The following KIAA1217 variants were observed in gnomAD, a reference collection of about 807,000 sequenced individuals.
The protein encoded by KIAA1217 is KIAA1217.
Under a neutral mutation model 163.9 loss-of-function variants are expected in KIAA1217, and 88 were observed. The observed-to-expected ratio is 0.54, with a 90% CI of 0.45 to 0.64. The LOEUF is 0.64. Ranked by LOEUF, KIAA1217 falls within the 30% of genes least tolerant of loss-of-function variation. KIAA1217 has a pLI of 0.00. For synonymous variants in KIAA1217, 903 were observed against 923.1 expected, an observed-to-expected ratio of 0.98 and a Z score of 0.39; for missense variants, 2,372 against 2,475.0, an observed-to-expected ratio of 0.96 and a Z score of 0.88.
At chr10:24,493,205 T>C (rs1461125184) in intron 6 of KIAA1217, among the ~76,000 whole-genome samples, 1 of 152,202 alleles carries the variant, frequency 6.6e-6, no homozygotes, top group Non-Finnish European at 1.5e-5. Context: ...TATTTAATAG[T>C]GTAAGAATAT....
intron 5 of KIAA1217, among the ~76,000 whole-genome samples, chr10:24,469,624 T>C (rs920936801): frequency 1.3e-5 from 2 of 152,046 alleles, no homozygotes; most frequent in Non-Finnish European, 2.9e-5. Flanking sequence ...GATTGATTGA[T>C]TGATTGAGAC....
At chr10:24,228,622 A>T (rs1207922966) in intron 2 of KIAA1217, among the ~76,000 whole-genome samples, 1 of 152,124 alleles carries the variant, frequency 6.6e-6, no homozygotes, top group South Asian at 2.1e-4. Context: ...GATGGGTTGT[A>T]TACACGCTCT....
In KIAA1217 at chr10:24,039,509, C is replaced by T. The variant is rs79411573; in HGVS notation, c.-171+32135C>T. ...CAATTGAGAGGGTAAATGACAGATA[C>T]TCTATAGTGTTTTGTGTGGCCAGAC... is the stretch of plus-strand genomic sequence containing the variant. On this transcript the variant is annotated intron_variant, in intron 2 of 18. Coordinates refer to the KIAA1217 transcript ENST00000376462. Among the ~76,000 whole-genome samples, 1,341 of 152,116 alleles carry T rather than the reference C, an allele frequency of 8.8e-3. 19 individuals carry two copies. The highest frequency in any genetic ancestry group is 0.031 in the African/African-American group (1,286 of 41,498).
rs1023292321 is a variant in KIAA1217, at chr10:24,471,788, T to C, written c.847-1440T>C. 6.1e-5 allele frequency among the ~76,000 whole-genome samples: 9 copies of C among 146,368 alleles called. 1 individual carries two copies. Among genetic ancestry groups the C allele is most frequent in the Admixed American group, 2.2e-4 (3 of 13,814 alleles). ...ATCCCAGCTATTTGGGAGGCTGAGG[T>C]AGGAGAATCACTTGAACCCAGGAGG... On this transcript the variant is annotated intron_variant, in intron 5 of 20. Coordinates refer to ENST00000376454, the MANE Select transcript of KIAA1217 (RefSeq NM_019590.5).
intron 9 of KIAA1217, among the ~76,000 whole-genome samples, chr10:24,511,856 A>G (rs1023278326): frequency 8.5e-5 from 13 of 152,208 alleles, no homozygotes; most frequent in Admixed American, 7.8e-4. Flanking sequence ...CCTCCCTGTT[A>G]GCAATGGCTG....
intron 2 of KIAA1217, among the ~76,000 whole-genome samples, chr10:24,272,273 C>G (rs1457157427): frequency 2.0e-5 from 3 of 152,178 alleles, no homozygotes; most frequent in Non-Finnish European, 2.9e-5. Flanking sequence ...AATAAGAACT[C>G]TGGACTAGTA....
intron 1 of KIAA1217, among the ~76,000 whole-genome samples, chr10:23,952,080 G>A (rs996792990): frequency 6.6e-6 from 1 of 152,112 alleles, no homozygotes; most frequent in Non-Finnish European, 1.5e-5. Flanking sequence ...CTTACATATG[G>A]GGATTATCAT....
At chr10:24,115,297 G>A (rs2063008196) in intron 2 of KIAA1217, among the ~76,000 whole-genome samples, 1 of 152,184 alleles carries the variant, frequency 6.6e-6, no homozygotes, top group South Asian at 2.1e-4. Context: ...TACATTCATG[G>A]AAAGTCAGGT....
At chr10:24,496,933 G>A (rs1161494402) in intron 8 of KIAA1217, among the ~76,000 whole-genome samples, 1 of 152,220 alleles carries the variant, frequency 6.6e-6, no homozygotes, top group African/African-American at 2.4e-5. Flanking sequence ...CTGGTGACAT[G>A]CTGTTAGTTT....
intron 2 of KIAA1217, among the ~76,000 whole-genome samples, chr10:24,056,975 A>T (rs1052418776): frequency 2.0e-5 from 3 of 152,160 alleles, no homozygotes; most frequent in African/African-American, 7.2e-5. Context: ...AAACTGACAA[A>T]ATAGAAGGTA....
At chr10:23,854,021 T>G (rs1839509060) in intron 1 of KIAA1217, among the ~76,000 whole-genome samples, 1 of 152,196 alleles carries the variant, frequency 6.6e-6, no homozygotes, top group Non-Finnish European at 1.5e-5. Flanking sequence ...CCTTCAGTTC[T>G]GCTCTGATTT....
In KIAA1217 at chr10:24,278,915, G is replaced by T. The variant is rs191213212; in HGVS notation, c.354+59006G>T. Among the ~76,000 whole-genome samples the T allele has an allele frequency of 1.9e-3, 291 of 149,706 alleles. 2 individuals are homozygous for T. Among genetic ancestry groups the T allele is most frequent in the African/African-American group, 6.9e-3 (279 of 40,620 alleles). On this transcript the variant is annotated intron_variant, in intron 2 of 20. Coordinates refer to ENST00000376454, the MANE Select transcript of KIAA1217 (RefSeq NM_019590.5). ...TCTGTTGCTCAGGCTGGAGTGCAGCGGCCCAATCTCAGCTCACTGCAACCT... is the reference window on the plus strand; with the variant it reads ...TCTGTTGCTCAGGCTGGAGTGCAGCTGCCCAATCTCAGCTCACTGCAACCT...
intron 1 of KIAA1217, among the ~76,000 whole-genome samples, chr10:23,944,953 G>A (rs915111730): frequency 5.9e-5 from 9 of 151,894 alleles, no homozygotes; most frequent in Middle Eastern, 3.2e-3. Flanking sequence ...CAGCTGCTCT[G>A]GAGGCTGAGA....
intron 2 of KIAA1217, among the ~76,000 whole-genome samples, chr10:24,144,785 T>G (rs1030668488): frequency 6.6e-6 from 1 of 152,198 alleles, no homozygotes; most frequent in African/African-American, 2.4e-5. Context: ...CTACCCTGGC[T>G]TCTTCCTTAA....
intron 3 of KIAA1217, among the ~76,000 whole-genome samples, chr10:24,396,200 G>T (rs146249845): frequency 0.018 from 2,709 of 152,204 alleles, 98 homozygotes; most frequent in African/African-American, 0.061. Context: ...AGACAGGTGT[G>T]GTGGCAGGCA....
chr10:24,433,271 GTTT>G lies in KIAA1217; in HGVS notation c.752+85_752+87del. On this transcript the variant is annotated intron_variant, in intron 4 of 20. Coordinates refer to ENST00000376454, the MANE Select transcript of KIAA1217 (RefSeq NM_019590.5). ...TTTTTTGTTTTTTTGTTTTTGAGGG[GTTT>G]TTTTTTACCCACTATATTGCATTTA... is the stretch of plus-strand genomic sequence containing the variant. 2.0e-6 allele frequency: 2 copies of G among 1,022,490 alleles called. 1 individual carries two copies. 63.3% of individuals were successfully genotyped at this position (1,022,490 alleles called of 1,614,324 possible). A position where few individuals can be genotyped will look rare whatever the true frequency, so the allele number is the denominator to read the frequency against.
At chr10:24,031,845 A>G (rs965114075) in intron 2 of KIAA1217, among the ~76,000 whole-genome samples, 3 of 152,302 alleles carry the variant, frequency 2.0e-5, no homozygotes. Flanking sequence ...CTTTCTCCTT[A>G]CTCAAGCTCC....
intron 1 of KIAA1217, among the ~76,000 whole-genome samples, chr10:23,780,285 A>T (rs562256044): frequency 2.0e-5 from 3 of 152,190 alleles, no homozygotes. Context: ...TAAGGCACCT[A>T]AAATCTACTC....
intron 2 of KIAA1217, among the ~76,000 whole-genome samples, chr10:24,058,208 G>T (rs1383376775): frequency 6.6e-6 from 1 of 152,114 alleles, no homozygotes; most frequent in Admixed American, 6.5e-5. Flanking sequence ...AATTGTGTAT[G>T]CATGGGTTCA....
Sources: allele counts gnomAD v4.1 joint callset (sites outside exome capture counted in the v4.1 genomes callset), GRCh38; gene constraint gnomAD v4.1.1; transcripts MANE v1.5; gene names NCBI Gene and HGNC (gene_info 2026-07-23, HGNC 2026-07-21).